HMCN1: variants seen among roughly 807,000 people sequenced by gnomAD.
HMCN1 encodes hemicentin 1, also known as hemicentin-1.
In HMCN1, 321 loss-of-function variants were observed where a neutral mutation model predicts 625.9. The observed-to-expected ratio is 0.51, with a 90% confidence interval of 0.47 to 0.56. HMCN1 has a LOEUF of 0.56. Among genes scored for constraint, HMCN1 ranks in the 20% least tolerant of loss-of-function variants. HMCN1 has a pLI of 0.00. For missense variants in HMCN1, 6,588 were observed against 6,887.3 expected, an observed-to-expected ratio of 0.96 and a Z score of 1.54; for synonymous variants, 2,425 against 2,417.6, an observed-to-expected ratio of 1.00 and a Z score of -0.09.
At chr1:185,829,436 GT>G (rs1181016598) in intron 1 of HMCN1, among the ~76,000 whole-genome samples, 2 of 152,106 alleles carry the variant, frequency 1.3e-5, no homozygotes, top group African/African-American at 4.8e-5. Flanking sequence ...AGGCTGTGGG[GT>G]GTGTCATTCC....
At chr1:186,117,993 T>C (rs1661219203) in intron 77 of HMCN1, among the ~76,000 whole-genome samples, 1 of 152,150 alleles carries the variant, frequency 6.6e-6, no homozygotes, top group African/African-American at 2.4e-5. Context: ...ATCGAACATT[T>C]AGTGCCTAAG....
chr1:186,156,930 TAAC>T (rs1332843731), intron 97 of HMCN1, among the ~76,000 whole-genome samples: 1 of 152,154 alleles, frequency 6.6e-6, no homozygotes, highest in African/African-American at 2.4e-5. Context: ...ATGACAATAA[TAAC>T]TGAAAAGTAC....
rs1473868641 is a variant in HMCN1, at chr1:186,053,022, G to C, written c.6648G>C (p.Leu2216=). 1.2e-6 allele frequency: 2 copies of C among 1,609,532 alleles called. No individual in the cohort carries two copies. The highest frequency in any genetic ancestry group is 1.3e-5 in the African/African-American group (1 of 74,738). The change falls in exon 43 of 107, where the codon CTG becomes CTC. Residue 2216 remains leucine (L), a synonymous_variant. Transcript: ENST00000271588. ...TCATTGAAGGGAATCTCATTAGTCT[G>C]TTGTGTGAATCAAGTGGTATTCCAC... ...LTVIEGNLIS[L]LCESSGIPPP... is the part of the protein sequence containing the mutation.
At chr1:186,112,981 A>G (rs755519395) in intron 72 of HMCN1, 28 bp downstream of exon 72, 4 of 1,612,514 alleles carry the variant, frequency 2.5e-6, no homozygotes, top group African/African-American at 2.7e-5. Context: ...TTGTTCCACA[A>G]TTTAAAAATC....
At chr1:186,008,695 A>G (rs1219088844) in intron 30 of HMCN1, among the ~76,000 whole-genome samples, 2 of 152,146 alleles carry the variant, frequency 1.3e-5, no homozygotes, top group East Asian at 3.9e-4. Flanking sequence ...AATAGCACCT[A>G]TGCAGTAGTG....
chr1:186,101,903 ATTAGT>A (rs1179976945), intron 68 of HMCN1, among the ~76,000 whole-genome samples: 9 of 152,152 alleles, frequency 5.9e-5, no homozygotes, highest in African/African-American at 1.7e-4. Context: ...ACATTTTATA[ATTAGT>A]TCAGAGAATC....
chr1:185,970,273 A>C, intron 14 of HMCN1, 62 bp from the exon 15 acceptor site: 1 of 1,467,058 alleles, frequency 6.8e-7, no homozygotes, highest in Non-Finnish European at 9.6e-7. Context: ...AATTAAACCA[A>C]TAGCTGCATA....
chr1:186,172,492 A>C (rs1377390155), intron 102 of HMCN1, among the ~76,000 whole-genome samples: 1 of 152,220 alleles, frequency 6.6e-6, no homozygotes. Context: ...GTAGAGATTA[A>C]AATTCAAAAT....
intron 11 of HMCN1, among the ~76,000 whole-genome samples, chr1:185,959,173 G>T (rs1053148250): frequency 2.6e-5 from 4 of 152,142 alleles, no homozygotes; most frequent in Non-Finnish European, 4.4e-5. Flanking sequence ...TAATTTGTTG[G>T]TGGTAATTAA....
intron 2 of HMCN1, among the ~76,000 whole-genome samples, chr1:185,862,781 T>TA (rs1348072991): frequency 6.6e-6 from 1 of 152,126 alleles, no homozygotes; most frequent in African/African-American, 2.4e-5. Flanking sequence ...CTATGGCTGG[T>TA]ATATTTTCCA....
At chr1:185,909,897 T>C (rs908479140) in intron 5 of HMCN1, among the ~76,000 whole-genome samples, 7 of 152,100 alleles carry the variant, frequency 4.6e-5, no homozygotes, top group Non-Finnish European at 8.8e-5. Context: ...AAATAACTAA[T>C]TTTCCACTCT....
intron 68 of HMCN1, among the ~76,000 whole-genome samples, chr1:186,099,019 G>A (rs866585158): frequency 2.0e-5 from 3 of 152,184 alleles, no homozygotes; most frequent in African/African-American, 7.2e-5. Flanking sequence ...AAAGACAAGG[G>A]AGACAGGGGG....
chr1:185,989,620 A>C lies in HMCN1; in HGVS notation c.3181A>C (p.Lys1061Gln). 6.2e-7 allele frequency: 1 copy of C among 1,614,050 alleles called. No homozygotes were observed. The highest frequency in any genetic ancestry group is 2.2e-5 in the East Asian group (1 of 44,850). ...TGCCACCAATACAGCCGGCTACGCC[A>C]AAAGGAAAGTGCAGCTAACAGTCTA... ...CTATNTAGYA[K>Q]RKVQLTVYVR... Residue 1061 changes from lysine to glutamine, a missense_variant, in exon 21 of 107, where the codon AAA becomes CAA. By Grantham distance (53) the Lys-to-Gln change is moderately conservative. This residue lies in a region of HMCN1 where 4,628 missense variants were observed against 4,853.1 expected (regional missense o/e 0.95). Coordinates refer to ENST00000271588, the MANE Select transcript of HMCN1 (RefSeq NM_031935.3).
chr1:186,066,481 C>G (rs2102329459), intron 49 of HMCN1, among the ~76,000 whole-genome samples: 1 of 152,260 alleles, frequency 6.6e-6, no homozygotes, highest in South Asian at 2.1e-4. Flanking sequence ...TCAGTTACTC[C>G]TTGCACTTAC....
chr1:185,914,689 A>G (rs1666603673), intron 6 of HMCN1, among the ~76,000 whole-genome samples: 1 of 151,924 alleles, frequency 6.6e-6, no homozygotes, highest in African/African-American at 2.4e-5. Flanking sequence ...GTTCAGCTCA[A>G]ATGACAAAAC....
chr1:186,124,996 G>A (rs1419991306), intron 81 of HMCN1, among the ~76,000 whole-genome samples: 2 of 152,012 alleles, frequency 1.3e-5, no homozygotes, highest in Non-Finnish European at 1.5e-5. Context: ...TGAGTCACAG[G>A]AAGTATTTGG....
chr1:185,994,491 A>G (rs1266873642), intron 23 of HMCN1, among the ~76,000 whole-genome samples: 3 of 152,168 alleles, frequency 2.0e-5, no homozygotes, highest in Non-Finnish European at 4.4e-5. Context: ...AAAATTATTT[A>G]CAAATTAAAA....
intron 2 of HMCN1, among the ~76,000 whole-genome samples, chr1:185,850,142 G>A (rs1395515083): frequency 6.6e-6 from 1 of 152,198 alleles, no homozygotes; most frequent in East Asian, 1.9e-4. Context: ...ACCAGTGTCT[G>A]CAGTAGAGTA....
chr1:186,162,733 T>TC (rs1367858398), intron 97 of HMCN1, among the ~76,000 whole-genome samples: 1 of 152,214 alleles, frequency 6.6e-6, no homozygotes, highest in Admixed American at 6.5e-5. Flanking sequence ...CAGGGGTTTT[T>TC]CGTGAACCAC....
Sources: allele counts gnomAD v4.1 joint callset (sites outside exome capture counted in the v4.1 genomes callset), GRCh38; gene constraint gnomAD v4.1.1; regional missense constraint gnomAD v4.1.1; transcripts MANE v1.5; gene names NCBI Gene and HGNC (gene_info 2026-07-23, HGNC 2026-07-21).